Variants in SLC28A3 observed in about 807,000 individuals in gnomAD.
The protein encoded by SLC28A3 is solute carrier family 28 member 3.
SLC28A3 carries 68 observed loss-of-function variants against 84.2 expected under a neutral mutation model. The observed-to-expected ratio is 0.81, with a 90% CI of 0.66 to 0.99. The LOEUF (loss-of-function observed/expected upper bound fraction) is 0.99. Among genes scored for constraint, SLC28A3 ranks in the 50% least tolerant of loss-of-function variants. The pLI is 0.00. For synonymous variants in SLC28A3, 267 were observed against 303.6 expected (o/e 0.88, Z 1.25); for missense variants, 712 against 841.5 (o/e 0.85, Z 1.90).
intron 3 of SLC28A3, among the ~76,000 whole-genome samples, chr9:84,309,415 C>T (rs542528035): frequency 2.7e-5 from 4 of 147,472 alleles, no homozygotes; most frequent in African/African-American, 5.0e-5. Flanking sequence ...CCCAGCTACT[C>T]GGGAGGCTCA....
Position 84,302,271 on chromosome 9 carries a change from G to A in SLC28A3, c.453C>T (p.Tyr151=), listed in dbSNP as rs143113191. Residue 151 remains tyrosine (Y), a synonymous_variant, in exon 5 of 18, where the codon TAC becomes TAT. Transcript: ENST00000376238. ...ACAGCATCTCATCAATTCGATGTTC[G>A]TATTTGGCCATCAGGTGATCCCAGA... is the stretch of plus-strand genomic sequence containing the variant. ...FVVWDHLMAK[Y]EHRIDEMLSP... 82 of 1,614,006 alleles carry A rather than the reference G, an allele frequency of 5.1e-5. No homozygotes were observed. Among genetic ancestry groups the A allele is most frequent in the Non-Finnish European group, 6.3e-5 (74 of 1,180,020 alleles).
chr9:84,319,319 A>G (rs568029336), intron 1 of SLC28A3, among the ~76,000 whole-genome samples: 1 of 152,308 alleles, frequency 6.6e-6, no homozygotes, highest in South Asian at 2.1e-4. Context: ...GCATTGATGT[A>G]TATTTTTATT....
chr9:84,284,244 A>C (rs1824886543), intron 14 of SLC28A3, among the ~76,000 whole-genome samples: 1 of 152,218 alleles, frequency 6.6e-6, no homozygotes, highest in Non-Finnish European at 1.5e-5. Context: ...AACAATGAGG[A>C]TAATTGGCCA....
intron 15 of SLC28A3, among the ~76,000 whole-genome samples, chr9:84,280,333 A>G (rs1200583922): frequency 6.6e-6 from 1 of 152,180 alleles, no homozygotes; most frequent in African/African-American, 2.4e-5. Context: ...AAACCTCCTA[A>G]GTTTCATCCA....
At chr9:84,349,315 C>T in the SLC28A3 span, among the ~76,000 whole-genome samples, 1 of 152,172 alleles carries the variant, frequency 6.6e-6, no homozygotes, top group East Asian at 1.9e-4. Flanking sequence ...AGCTTGGGCT[C>T]AGAGGCCTGA....
chr9:84,299,449 C>T, intron 6 of SLC28A3, 132 bp downstream of exon 6: 1 of 1,143,326 alleles, frequency 8.7e-7, no homozygotes, highest in East Asian at 2.6e-5. Context: ...GCACCCTGGT[C>T]ACGTTAAATA....
At chr9:84,356,219 G>A in the SLC28A3 span, among the ~76,000 whole-genome samples, 3,088 of 152,174 alleles carry the variant, frequency 0.02, 71 homozygotes, top group African/African-American at 0.056. Context: ...TGGGATTCTA[G>A]ACTTACAGCA....
Position 84,294,178 on chromosome 9 carries a change from C to T in SLC28A3, c.942+17G>A, listed in dbSNP as rs773667256. On this transcript the variant is annotated intron_variant, in intron 9 of 17. Transcript: ENST00000376238. Reference sequence around the variant, plus strand: ...TCAGCTCTACACCTATAACCCAGTCCCTCCCAGCCCCAGTACCTTTCTAAT... The same window carrying T: ...TCAGCTCTACACCTATAACCCAGTCTCTCCCAGCCCCAGTACCTTTCTAAT... The T allele has an allele frequency of 6.2e-6, 10 of 1,613,156 alleles. No homozygotes were observed. Among genetic ancestry groups the T allele is most frequent in the Non-Finnish European group, 5.1e-6 (6 of 1,179,324 alleles).
chr9:84,318,085 G>A (rs748748476), intron 1 of SLC28A3, among the ~76,000 whole-genome samples: 12 of 152,076 alleles, frequency 7.9e-5, no homozygotes, highest in Non-Finnish European at 1.5e-4. Flanking sequence ...GTCCTTGATC[G>A]TTATCTATTG....
Position 84,285,543 on chromosome 9 carries a change from C to T in SLC28A3, c.1450-1G>A, listed in dbSNP as rs1824948018. The T allele has an allele frequency of 6.2e-7, 1 of 1,614,000 alleles. No individual in the cohort carries two copies. On this transcript the variant is annotated splice_acceptor_variant, in intron 13 of 17. Transcript: ENST00000376238. LOFTEE classifies it high-confidence loss of function. ...GCATGAAGATGTAGGAGCAGATTAGCTACAGAAACCAAAAGTAGACACTTG... is the reference window on the plus strand; with the variant it reads ...GCATGAAGATGTAGGAGCAGATTAGTTACAGAAACCAAAAGTAGACACTTG...
At position 84,285,682 on chromosome 9, in the gene SLC28A3, C is replaced by A. The variant is rs1824954043; in HGVS notation, c.1450-140G>T. 2.5e-5 allele frequency: 24 copies of A among 979,434 alleles called. No individual in the cohort carries two copies. In the South Asian group the frequency reaches 3.9e-4, roughly 16 times the overall value. 60.7% of individuals were successfully genotyped at this position (979,434 alleles called of 1,614,324 possible). On this transcript the variant is annotated intron_variant, in intron 13 of 17. Transcript: ENST00000376238. Reference sequence around the variant, plus strand: ...TCTTCCCTTGCCCATCTTTACCCATCAGGAATCAGGGCTAGAAATCGGTCA... The same window carrying A: ...TCTTCCCTTGCCCATCTTTACCCATAAGGAATCAGGGCTAGAAATCGGTCA...
intron 1 of SLC28A3, among the ~76,000 whole-genome samples, chr9:84,326,682 A>AACC (rs1450135687): frequency 7.7e-6 from 1 of 129,260 alleles, no homozygotes; most frequent in Non-Finnish European, 1.7e-5. Flanking sequence ...CAACAACAAC[A>AACC]ACCAGGTCTT....
the SLC28A3 span, among the ~76,000 whole-genome samples, chr9:84,351,365 A>G: frequency 6.6e-6 from 1 of 152,122 alleles, no homozygotes; most frequent in Admixed American, 6.6e-5. Flanking sequence ...CAATGTTCAG[A>G]GAAAATGCAG....
chr9:84,344,185 GT>G (rs762125676), upstream of SLC28A3, among the ~76,000 whole-genome samples: 5,862 of 117,862 alleles, frequency 0.05, 229 homozygotes, highest in African/African-American at 0.18. Context: ...CATCATATGG[GT>G]TTTTTTTTTT....
At chr9:84,343,357 C>T (rs1588634034), upstream of SLC28A3, among the ~76,000 whole-genome samples, 1 of 152,256 alleles carries the variant, frequency 6.6e-6, no homozygotes, top group Non-Finnish European at 1.5e-5. Context: ...GTGACTGAGG[C>T]CCAGTCTCTC....
chr9:84,319,506 T>G (rs1826291529), intron 1 of SLC28A3, among the ~76,000 whole-genome samples: 1 of 152,104 alleles, frequency 6.6e-6, no homozygotes, highest in Admixed American at 6.6e-5. Context: ...CTCTCTATTT[T>G]TTTAAATAAA....
At chr9:84,332,163 A>G (rs1199929821) in intron 1 of SLC28A3, among the ~76,000 whole-genome samples, 1 of 152,218 alleles carries the variant, frequency 6.6e-6, no homozygotes, top group Admixed American at 6.5e-5. Flanking sequence ...ACTTTAGAGC[A>G]TAATACCCTG....
chr9:84,315,620 A>T (rs1049536836), intron 1 of SLC28A3, among the ~76,000 whole-genome samples: 9 of 152,156 alleles, frequency 5.9e-5, no homozygotes, highest in African/African-American at 2.2e-4. Context: ...TAATAGTCTT[A>T]TTTGGCCCCC....
intron 1 of SLC28A3, among the ~76,000 whole-genome samples, chr9:84,322,671 C>A (rs966129473): frequency 2.0e-5 from 3 of 151,970 alleles, no homozygotes; most frequent in Non-Finnish European, 4.4e-5. Flanking sequence ...ATGGAAAAAC[C>A]CTGTTTTTAT....
Sources: allele counts gnomAD v4.1 joint callset (sites outside exome capture counted in the v4.1 genomes callset), GRCh38; gene constraint gnomAD v4.1.1; transcripts MANE v1.5; gene names NCBI Gene and HGNC (gene_info 2026-07-23, HGNC 2026-07-21).